The following SOX5 variants were observed in gnomAD, a reference collection of about 807,000 sequenced individuals.
SOX5 encodes the protein transcription factor SOX-5.
In SOX5, 9 loss-of-function variants were observed where a neutral mutation model predicts 92.0. The observed-to-expected ratio is 0.10, with a 90% CI of 0.06 to 0.17. SOX5 has a LOEUF of 0.17. Among genes scored for constraint, SOX5 ranks in the 10% least tolerant of loss-of-function variants. SOX5 has a pLI of 1.00. For missense variants in SOX5, 642 were observed against 944.5 expected (o/e 0.68, Z 4.20); for synonymous variants, 344 against 336.3 (o/e 1.02, Z -0.25).
At chr12:23,934,468 ATATT>A (rs892618876) in intron 1 of SOX5, among the ~76,000 whole-genome samples, 57 of 148,842 alleles carry the variant, frequency 3.8e-4, no homozygotes, top group African/African-American at 1.4e-3. Flanking sequence ...TATGTATTAT[ATATT>A]TATAATATAT....
At chr12:24,524,388 C>CTATCT (rs1597590169) in intron 1 of SOX5, among the ~76,000 whole-genome samples, 1 of 95,594 alleles carries the variant, frequency 1.0e-5, no homozygotes, top group Non-Finnish European at 2.1e-5. Context: ...TCTATCTATC[C>CTATCT]ATCCATCCAT....
At chr12:24,423,507 T>C (rs1020049356) in intron 1 of SOX5, among the ~76,000 whole-genome samples, 2 of 152,226 alleles carry the variant, frequency 1.3e-5, no homozygotes, top group Non-Finnish European at 2.9e-5. Flanking sequence ...GTAGGAATAC[T>C]AGAGAATTTT....
intron 1 of SOX5, among the ~76,000 whole-genome samples, chr12:24,455,085 A>C (rs1386027504): frequency 6.6e-6 from 1 of 152,230 alleles, no homozygotes; most frequent in East Asian, 1.9e-4. Context: ...TAGATAGTGG[A>C]TCAAGTTAGC....
At chr12:23,597,576 A>G (rs1030383208) in intron 9 of SOX5, among the ~76,000 whole-genome samples, 1 of 152,196 alleles carries the variant, frequency 6.6e-6, no homozygotes, top group Non-Finnish European at 1.5e-5. Flanking sequence ...AAACTATTTT[A>G]TTTAAAATGA....
At chr12:23,646,021 AT>A (rs1566666659) in intron 7 of SOX5, among the ~76,000 whole-genome samples, 1 of 152,232 alleles carries the variant, frequency 6.6e-6, no homozygotes, top group Non-Finnish European at 1.5e-5. Flanking sequence ...TAATAAAAAA[AT>A]ACTTTATTGC....
chr12:24,473,511 T>C (rs1384789402), intron 1 of SOX5, among the ~76,000 whole-genome samples: 1 of 152,244 alleles, frequency 6.6e-6, no homozygotes, highest in Non-Finnish European at 1.5e-5. Context: ...TTTTCAACTA[T>C]CTCCATTTGT....
intron 2 of SOX5, among the ~76,000 whole-genome samples, chr12:24,367,740 A>G (rs1166862537): frequency 6.6e-6 from 1 of 152,146 alleles, no homozygotes; most frequent in Non-Finnish European, 1.5e-5. Flanking sequence ...ATGATGTTCA[A>G]TCTAAACAGT....
At chr12:24,543,671 G>C (rs768328713) in intron 1 of SOX5, among the ~76,000 whole-genome samples, 1 of 152,216 alleles carries the variant, frequency 6.6e-6, no homozygotes, top group African/African-American at 2.4e-5. Context: ...CTGGGTGACA[G>C]AGTGAGACCC....
chr12:23,824,164 G>A (rs760981551), intron 3 of SOX5, among the ~76,000 whole-genome samples: 77 of 152,162 alleles, frequency 5.1e-4, no homozygotes, highest in Non-Finnish European at 1.0e-3. Flanking sequence ...CCTTGCTGGC[G>A]AGGAGTTGTG....
intron 4 of SOX5, among the ~76,000 whole-genome samples, chr12:24,094,959 C>G (rs1945140414): frequency 6.6e-6 from 1 of 152,140 alleles, no homozygotes; most frequent in South Asian, 2.1e-4. Flanking sequence ...TACTTCCTCT[C>G]TCCTTTTGTT....
At chr12:24,426,222 C>CAAAA (rs927642577) in intron 1 of SOX5, among the ~76,000 whole-genome samples, 1 of 136,402 alleles carries the variant, frequency 7.3e-6, no homozygotes, top group African/African-American at 2.8e-5. Flanking sequence ...AACAAACAAA[C>CAAAA]AAAAAAAACA....
At chr12:24,514,300 A>G (rs2138364227) in intron 1 of SOX5, among the ~76,000 whole-genome samples, 1 of 152,296 alleles carries the variant, frequency 6.6e-6, no homozygotes, top group South Asian at 2.1e-4. Context: ...ATCTAAATTA[A>G]CCCTCCAAGA....
chr12:24,195,912 T>G (rs1956968140), intron 4 of SOX5, among the ~76,000 whole-genome samples: 1 of 152,118 alleles, frequency 6.6e-6, no homozygotes, highest in South Asian at 2.1e-4. Context: ...TGAAACAGGG[T>G]CTCATTCTGT....
chr12:23,641,025 A>G, intron 7 of SOX5, 128 bp from the exon 8 acceptor site: 1 of 605,810 alleles, frequency 1.7e-6, no homozygotes. Flanking sequence ...GAAAAGCTCT[A>G]TTGTGCAGCC....
intron 1 of SOX5, among the ~76,000 whole-genome samples, chr12:24,472,493 G>A (rs1821643483): frequency 6.6e-6 from 1 of 152,120 alleles, no homozygotes; most frequent in South Asian, 2.1e-4. Context: ...CTGTGGACTG[G>A]TTCTCTAAGT....
At chr12:23,737,427 C>T (rs375210741) in intron 5 of SOX5, among the ~76,000 whole-genome samples, 1 of 152,096 alleles carries the variant, frequency 6.6e-6, no homozygotes, top group South Asian at 2.1e-4. Context: ...GTAATCCCAG[C>T]TACTTGGGAG....
intron 6 of SOX5, among the ~76,000 whole-genome samples, chr12:23,695,526 C>T (rs1289115354): frequency 6.6e-6 from 1 of 152,094 alleles, no homozygotes; most frequent in Admixed American, 6.5e-5. Context: ...TTGTCAAATG[C>T]TTTTTCTGCT....
rs1591789430 is a variant in SOX5, at chr12:23,529,571, A to T, written c.*4648T>A. On this transcript the variant is annotated 3_prime_UTR_variant, in exon 15 of 15. Coordinates refer to ENST00000451604, the MANE Select transcript of SOX5 (RefSeq NM_006940.6). The stretch of plus-strand genomic sequence containing the variant: ...GTAATACTGAAAAAGGAGAATGCAA[A>T]AAAATAAAATAAAATAAACAAAAAA... The T allele has an allele frequency of 6.6e-6, 1 of 152,284 alleles. No individual in the cohort carries two copies. Among genetic ancestry groups the T allele is most frequent in the South Asian group, 2.1e-4 (1 of 4,828 alleles). The allele number at this position is 152,284 out of a possible 1,614,324, so 9.4% of individuals were successfully genotyped here.
chr12:24,198,589 T>C (rs749575339), intron 4 of SOX5, among the ~76,000 whole-genome samples: 3 of 152,220 alleles, frequency 2.0e-5, no homozygotes, highest in Admixed American at 2.0e-4. Context: ...ACCCGATCCA[T>C]TAACCCTCTT....
Sources: gnomAD v4.1 joint callset for allele counts (sites outside exome capture counted in the v4.1 genomes callset) on GRCh38, gnomAD v4.1.1 for gene constraint, MANE v1.5 for transcripts, NCBI Gene and HGNC (gene_info 2026-07-23, HGNC 2026-07-21) for gene names.